Variants in SYNE1 observed in about 807,000 individuals in gnomAD.
SYNE1 encodes spectrin repeat containing nuclear envelope protein 1.
Under a neutral mutation model 1,111.0 loss-of-function variants are expected in SYNE1, and 616 were observed. That is an observed-to-expected ratio of 0.55 (90% CI 0.52 to 0.59). The LOEUF (loss-of-function observed/expected upper bound fraction) is 0.59, where lower values mean the gene tolerates loss of function less well. Ranked by LOEUF, SYNE1 falls within the 20% of genes least tolerant of loss-of-function variation. The pLI, the probability that SYNE1 is intolerant of heterozygous loss-of-function variation, is 0.00. For synonymous variants in SYNE1, 3,855 were observed against 3,825.8 expected (o/e 1.01, Z -0.28); for missense variants, 10,006 against 10,417.0 (o/e 0.96, Z 1.72).
chr6:152,179,746 A>G lies in SYNE1; in HGVS notation c.23460+390T>C, dbSNP rs542729183. 8.2e-5 allele frequency among the ~76,000 whole-genome samples: 10 copies of G among 122,216 alleles called. No homozygotes were observed. In the Admixed American group the frequency reaches 1.0e-3, roughly 13 times the overall value. The allele number at this position is 122,216 out of a possible 152,430, so 80.2% of individuals were successfully genotyped here. A position where few individuals can be genotyped will look rare whatever the true frequency, so the allele number is the denominator to read the frequency against. On this transcript the variant is annotated intron_variant, in intron 129 of 145. Transcript: ENST00000367255. ...TGTCACCAGGCTGGAGTGCAGTGGC[A>G]CGATCTCGGCTCACTGCAATCTCCG... is the stretch of plus-strand genomic sequence containing the variant.
At chr6:152,154,052 G>T (rs1013863561) in intron 133 of SYNE1, among the ~76,000 whole-genome samples, 1 of 152,114 alleles carries the variant, frequency 6.6e-6, no homozygotes, top group African/African-American at 2.4e-5. Context: ...ATTAGCAATG[G>T]TCAGAATGCT....
At chr6:152,146,774 TC>T (rs2059584531) in intron 137 of SYNE1, 1 of 152,246 alleles carries the variant, frequency 6.6e-6, no homozygotes, top group African/African-American at 2.4e-5. Context: ...TTACAGAGTT[TC>T]TGTTTCTCTG....
chr6:152,257,581 G>A (rs2091128905), intron 101 of SYNE1, among the ~76,000 whole-genome samples: 1 of 151,912 alleles, frequency 6.6e-6, no homozygotes, highest in Non-Finnish European at 1.5e-5. Flanking sequence ...ATTAAAAGGT[G>A]GCTTGCAAAT....
chr6:152,293,540 A>C, intron 95 of SYNE1, 48 bp downstream of exon 95: 8 of 1,608,812 alleles, frequency 5.0e-6, no homozygotes, highest in Non-Finnish European at 6.8e-6. Flanking sequence ...CAGTCACAAC[A>C]GTGCCTTATT....
chr6:152,122,006 T>C lies in SYNE1; in HGVS notation c.*430A>G, dbSNP rs2051499073. ...GGTTCTAAAATCTCTTCAGCACTGGTTGGTTGGTAGATTGTACGACACTGA... is the reference window on the plus strand; with the variant it reads ...GGTTCTAAAATCTCTTCAGCACTGGCTGGTTGGTAGATTGTACGACACTGA... On this transcript the variant is annotated 3_prime_UTR_variant, in exon 146 of 146. Coordinates refer to ENST00000367255, the MANE Select transcript of SYNE1 (RefSeq NM_182961.4). 1 of 222,530 alleles carries C rather than the reference T, an allele frequency of 4.5e-6. No individual in the cohort carries two copies. Among genetic ancestry groups the C allele is most frequent in the Admixed American group, 5.2e-5 (1 of 19,374 alleles). 13.8% of individuals were successfully genotyped at this position (222,530 alleles called of 1,614,324 possible). A position where few individuals can be genotyped will look rare whatever the true frequency, so the allele number is the denominator to read the frequency against.
intron 3 of SYNE1, among the ~76,000 whole-genome samples, chr6:152,554,632 T>C (rs750630260): frequency 6.6e-5 from 10 of 152,150 alleles, no homozygotes; most frequent in Non-Finnish European, 1.2e-4. Flanking sequence ...ATTTCTACCC[T>C]CTGAGCCTGC....
At chr6:152,484,688 G>A (rs2098930065) in intron 13 of SYNE1, 147 bp downstream of exon 13, 1 of 823,492 alleles carries the variant, frequency 1.2e-6, no homozygotes, top group African/African-American at 1.7e-5. Context: ...TAGACAAGGA[G>A]GCAAAGATTC....
At position 152,242,284 on chromosome 6, in the gene SYNE1, C is replaced by T. The variant is rs184210675; in HGVS notation, c.19849G>A (p.Val6617Met). 40 of 1,614,018 alleles carry T rather than the reference C, an allele frequency of 2.5e-5. 1 individual carries two copies. In the South Asian group the frequency reaches 3.7e-4, roughly 15 times the overall value. Reference protein sequence around the residue: ...EKMAGDQKIIVSSKEEIQQLL... With the variant: ...EKMAGDQKIIMSSKEEIQQLL... ...TGCTGGATTTCCTCTTTGGAAGACA[C>T]GATGATTTTCTGGTCTCCTGCCATC... Residue 6617 changes from valine (V) to methionine (M), a missense_variant, in exon 107 of 146, where the codon GTG becomes ATG. By Grantham distance (21) the Val-to-Met change is conservative. Coordinates refer to ENST00000367255, the MANE Select transcript of SYNE1 (RefSeq NM_182961.4).
chr6:152,602,702 T>C (rs899300616), intron 3 of SYNE1, among the ~76,000 whole-genome samples: 3 of 152,236 alleles, frequency 2.0e-5, no homozygotes, highest in African/African-American at 7.2e-5. Flanking sequence ...TACAGATTTC[T>C]TGTGATCTGA....
chr6:152,214,900 C>A lies in SYNE1; in HGVS notation c.22346+6G>T, dbSNP rs368678916. The A allele has an allele frequency of 2.1e-4, 338 of 1,613,996 alleles. No individual in the cohort carries two copies. Among genetic ancestry groups the A allele is most frequent in the Non-Finnish European group, 2.7e-4 (320 of 1,179,984 alleles). Reference sequence around the variant, plus strand: ...GAGCAACCAAGACATCTCTTGTTTACTCTACCTGAATCTTTCTGTAGTCTG... The same window carrying A: ...GAGCAACCAAGACATCTCTTGTTTAATCTACCTGAATCTTTCTGTAGTCTG... On this transcript the variant is annotated splice_donor_region_variant and intron_variant, in intron 122 of 145. Transcript: ENST00000367255.
At chr6:152,168,610 T>C (rs996711213) in intron 130 of SYNE1, among the ~76,000 whole-genome samples, 2 of 152,118 alleles carry the variant, frequency 1.3e-5, no homozygotes, top group South Asian at 2.1e-4. Context: ...AGAAAACAAA[T>C]CATCCCACTG....
chr6:152,230,673 A>T lies in SYNE1; in HGVS notation c.21069T>A (p.Ser7023=), dbSNP rs751660916. 2 of 1,613,948 alleles carry T rather than the reference A, an allele frequency of 1.2e-6. No individual in the cohort carries two copies. Among genetic ancestry groups the T allele is most frequent in the African/African-American group, 2.7e-5 (2 of 74,934 alleles). ...KIQLLEGLLE[S]WSEYENNVQC... is the part of the protein sequence containing the mutation. ...GTACATTATTTTCATATTCTGACCA[A>T]GATTCCAATAAGCCTTCCAACAGCT... is the stretch of plus-strand genomic sequence containing the variant. Residue 7023 remains serine (S), a synonymous_variant, in exon 115 of 146, where the codon TCT becomes TCA. Transcript: ENST00000367255.
At chr6:152,453,786 A>G in intron 24 of SYNE1, 66 bp from the exon 25 acceptor site, 1 of 1,599,248 alleles carries the variant, frequency 6.3e-7, no homozygotes, top group South Asian at 1.1e-5. Flanking sequence ...AGGCACAATC[A>G]GCCTCTAAGC....
At chr6:152,559,189 G>A (rs1424187208) in intron 3 of SYNE1, among the ~76,000 whole-genome samples, 1 of 151,942 alleles carries the variant, frequency 6.6e-6, no homozygotes, top group Non-Finnish European at 1.5e-5. Flanking sequence ...AGAACTCCTG[G>A]GCTCAAGCAA....
chr6:152,570,811 G>A (rs1040585113), intron 3 of SYNE1, among the ~76,000 whole-genome samples: 2 of 152,116 alleles, frequency 1.3e-5, no homozygotes, highest in African/African-American at 2.4e-5. Context: ...TTCTTTTGTA[G>A]TGTACCTCAC....
At chr6:152,615,499 T>C (rs1482200436) in intron 3 of SYNE1, among the ~76,000 whole-genome samples, 2 of 152,106 alleles carry the variant, frequency 1.3e-5, no homozygotes, top group East Asian at 3.8e-4. Context: ...GAAATAACAT[T>C]CCTTCTTTGA....
chr6:152,593,509 G>A lies in SYNE1; in HGVS notation c.67+34756C>T, dbSNP rs553337066. Among the ~76,000 whole-genome samples the A allele has an allele frequency of 2.3e-3, 354 of 152,218 alleles. 2 individuals carry two copies. Among genetic ancestry groups the A allele is most frequent in the African/African-American group, 8.2e-3 (341 of 41,526 alleles). On this transcript the variant is annotated intron_variant, in intron 3 of 145. Transcript: ENST00000367255. ...AGGCAGGAGAATGGCGTGAATCCGGGAGGCAGAGCTTATAGTGAGCTGAGA... is the reference window on the plus strand; with the variant it reads ...AGGCAGGAGAATGGCGTGAATCCGGAAGGCAGAGCTTATAGTGAGCTGAGA...
intron 100 of SYNE1, among the ~76,000 whole-genome samples, chr6:152,265,523 C>T (rs1483588717): frequency 2.0e-5 from 3 of 151,908 alleles, no homozygotes; most frequent in Admixed American, 6.6e-5. Flanking sequence ...TTCTTTATTG[C>T]TTTTTTCTTT....
At chr6:152,373,799 C>T (rs148626131) in intron 58 of SYNE1, among the ~76,000 whole-genome samples, 4 of 152,184 alleles carry the variant, frequency 2.6e-5, no homozygotes, top group East Asian at 3.9e-4. Context: ...AAGATAAGAG[C>T]TGTAAAATAA....
Sources: gnomAD v4.1 joint callset for allele counts (sites outside exome capture counted in the v4.1 genomes callset) on GRCh38, gnomAD v4.1.1 for gene constraint, MANE v1.5 for transcripts, NCBI Gene and HGNC (gene_info 2026-07-23, HGNC 2026-07-21) for gene names.